The following MYO16 variants were observed in gnomAD, a reference collection of about 807,000 sequenced individuals.
MYO16 encodes the protein myosin XVI.
In MYO16, 94 loss-of-function variants were observed where a neutral mutation model predicts 205.3. That is an observed-to-expected ratio of 0.46 (90% CI 0.39 to 0.54). The LOEUF is 0.54. Among genes scored for constraint, MYO16 ranks in the 20% least tolerant of loss-of-function variants. The probability of loss-of-function intolerance (pLI) is 0.00; values close to 1 mark genes in which losing one functional copy is unlikely to be tolerated. For missense variants in MYO16, 2,315 were observed against 2,387.5 expected (o/e 0.97, Z 0.63); for synonymous variants, 988 against 954.0 (o/e 1.04, Z -0.66).
intron 11 of MYO16, 42 bp downstream of exon 11, chr13:108,855,595 G>T: frequency 7.3e-7 from 1 of 1,374,708 alleles, no homozygotes; most frequent in Non-Finnish European, 1.0e-6. Flanking sequence ...TTTTTCTCTT[G>T]CTGCATATTT....
At chr13:108,952,515 G>T (rs1397107022) in intron 16 of MYO16, among the ~76,000 whole-genome samples, 1 of 152,222 alleles carries the variant, frequency 6.6e-6, no homozygotes, top group Non-Finnish European at 1.5e-5. Flanking sequence ...AAAACACCCA[G>T]TGGAGAATTT....
chr13:108,927,276 C>A (rs1012920616), intron 16 of MYO16, among the ~76,000 whole-genome samples: 9 of 152,184 alleles, frequency 5.9e-5, no homozygotes, highest in African/African-American at 2.2e-4. Context: ...CATTTAGAAT[C>A]TTTTCTCCTA....
intron 4 of MYO16, among the ~76,000 whole-genome samples, chr13:108,745,796 T>C (rs140233858): frequency 0.012 from 1,790 of 152,180 alleles, 27 homozygotes; most frequent in Middle Eastern, 0.041. Context: ...TGAGAAAAAG[T>C]AGACAACTTA....
intron 27 of MYO16, among the ~76,000 whole-genome samples, chr13:109,071,060 T>C (rs764258742): frequency 6.6e-6 from 1 of 152,156 alleles, no homozygotes; most frequent in Non-Finnish European, 1.5e-5. Context: ...TAAATACTTA[T>C]ATTATATGAC....
intron 2 of MYO16, among the ~76,000 whole-genome samples, chr13:108,697,620 T>C (rs7334358): frequency 0.21 from 32,615 of 152,206 alleles, 4,034 homozygotes; most frequent in East Asian, 0.45. Flanking sequence ...TAAGAGTATT[T>C]TTAAGTATCA....
At chr13:108,991,280 C>T (rs1317210520) in intron 20 of MYO16, among the ~76,000 whole-genome samples, 1 of 152,104 alleles carries the variant, frequency 6.6e-6, no homozygotes, top group Non-Finnish European at 1.5e-5. Flanking sequence ...TGTCTTACAT[C>T]TTTCCTTGCT....
chr13:109,147,227 A>T (rs1288265697), intron 32 of MYO16, among the ~76,000 whole-genome samples: 3 of 152,210 alleles, frequency 2.0e-5, no homozygotes, highest in African/African-American at 7.2e-5. Flanking sequence ...ACTATGAAAG[A>T]TCAAAATTCA....
chr13:108,869,584 A>C (rs1182509911), intron 12 of MYO16, among the ~76,000 whole-genome samples: 4 of 146,930 alleles, frequency 2.7e-5, no homozygotes. Flanking sequence ...AAAAAAAGTT[A>C]GCCGGGCGTC....
intron 1 of MYO16, among the ~76,000 whole-genome samples, chr13:108,619,992 G>C (rs1441355754): frequency 6.6e-6 from 1 of 152,124 alleles, no homozygotes; most frequent in African/African-American, 2.4e-5. Flanking sequence ...GAAAGGTATG[G>C]TGGACTCTGT....
chr13:108,886,748 G>T (rs888173092), intron 13 of MYO16, among the ~76,000 whole-genome samples: 1 of 151,844 alleles, frequency 6.6e-6, no homozygotes, highest in Non-Finnish European at 1.5e-5. Context: ...AACATCTGAC[G>T]TAAGCACTCG....
intron 7 of MYO16, among the ~76,000 whole-genome samples, chr13:108,812,959 C>T (rs1887340965): frequency 6.6e-6 from 1 of 152,076 alleles, no homozygotes. Flanking sequence ...GAACTGTGAG[C>T]AATAAATTTC....
At chr13:108,899,525 G>GT (rs1361916713) in intron 15 of MYO16, among the ~76,000 whole-genome samples, 1 of 152,186 alleles carries the variant, frequency 6.6e-6, no homozygotes, top group Non-Finnish European at 1.5e-5. Flanking sequence ...TCATTTATTG[G>GT]TTTTTTAAAC....
At chr13:109,073,482 C>T (rs1566492728) in intron 27 of MYO16, among the ~76,000 whole-genome samples, 1 of 151,868 alleles carries the variant, frequency 6.6e-6, no homozygotes, top group South Asian at 2.1e-4. Context: ...AAAATGAATT[C>T]CTTCATTTAG....
intron 2 of MYO16, among the ~76,000 whole-genome samples, chr13:108,700,789 T>C (rs1883277501): frequency 6.6e-6 from 1 of 152,122 alleles, no homozygotes; most frequent in African/African-American, 2.4e-5. Flanking sequence ...GAGAGGTCCA[T>C]AGAGTACTTC....
At chr13:109,154,339 C>T (rs1175879419) in intron 32 of MYO16, among the ~76,000 whole-genome samples, 1 of 152,156 alleles carries the variant, frequency 6.6e-6, no homozygotes, top group Non-Finnish European at 1.5e-5. Flanking sequence ...CCCGGGCCTG[C>T]CACGTTTCTC....
chr13:109,158,632 A>G (rs1878198914), intron 32 of MYO16, among the ~76,000 whole-genome samples: 1 of 152,186 alleles, frequency 6.6e-6, no homozygotes, highest in Admixed American at 6.5e-5. Context: ...TAAAGATTTC[A>G]TCATGTAGAT....
intron 21 of MYO16, among the ~76,000 whole-genome samples, chr13:109,008,369 A>G (rs1885470176): frequency 6.8e-6 from 1 of 146,778 alleles, no homozygotes; most frequent in Non-Finnish European, 1.5e-5. Context: ...TGTACTATCT[A>G]TCTTGTGTAT....
chr13:108,857,124 T>C (rs1312149203), intron 11 of MYO16, among the ~76,000 whole-genome samples: 2 of 152,208 alleles, frequency 1.3e-5, no homozygotes, highest in Non-Finnish European at 2.9e-5. Context: ...CCTAGAGTTA[T>C]CTTTCTGCTC....
rs535299903 is a variant in MYO16 at position 109,019,539 on chromosome 13, A to G, written c.2596-172A>G. Among the ~76,000 whole-genome samples the G allele has an allele frequency of 5.2e-4, 79 of 152,314 alleles. No homozygotes were observed. In the South Asian group the frequency reaches 0.016, roughly 30 times the overall value. ...TTATTGGGGACCTACTTTACATCAG[A>G]GCCCTGCTAGGTGGTGGGGTAGAAA... On this transcript the variant is annotated intron_variant, in intron 22 of 34. Coordinates refer to ENST00000457511, the MANE Select transcript of MYO16 (RefSeq NM_001198950.3).
Sources: allele counts gnomAD v4.1 joint callset (sites outside exome capture counted in the v4.1 genomes callset), GRCh38; gene constraint gnomAD v4.1.1; transcripts MANE v1.5; gene names NCBI Gene and HGNC (gene_info 2026-07-23, HGNC 2026-07-21).